Variants in PDCD11 observed in about 807,000 individuals in gnomAD.
The protein encoded by PDCD11 is programmed cell death 11, also known as protein RRP5 homolog.
In PDCD11, 97 loss-of-function variants were observed where a neutral mutation model predicts 198.9. The observed-to-expected ratio is 0.49, with a 90% CI of 0.41 to 0.58. The LOEUF (loss-of-function observed/expected upper bound fraction) is 0.58. Ranked by LOEUF, PDCD11 falls within the 20% of genes least tolerant of loss-of-function variation. The pLI is 0.00. For synonymous variants in PDCD11, 893 were observed against 918.0 expected (o/e 0.97, Z 0.49); for missense variants, 2,102 against 2,312.7 (o/e 0.91, Z 1.87).
chr10:103,402,457 A>C (rs2030159200), intron 3 of PDCD11, among the ~76,000 whole-genome samples: 1 of 152,036 alleles, frequency 6.6e-6, no homozygotes, highest in African/African-American at 2.4e-5. Context: ...TTTATTTTCG[A>C]GACAGAGTTT....
intron 2 of PDCD11, among the ~76,000 whole-genome samples, chr10:103,398,734 A>T (rs1233148114): frequency 1.3e-5 from 2 of 152,192 alleles, no homozygotes; most frequent in Non-Finnish European, 2.9e-5. Context: ...AAGTACTGTT[A>T]TTAGCTGGGC....
chr10:103,425,144 G>T lies in PDCD11; in HGVS notation c.2924G>T (p.Gly975Val), dbSNP rs866191624. ...FDSEKLQVGQ[G>V]VSLTLKTTEP... ...TCAGAGAAATTGCAGGTGGGACAGG[G>T]TGTCTCCCTAACCCTCAAGACCACA... The change falls in exon 20 of 36, where the codon GGT (glycine) becomes GTT (valine). Residue 975 changes from glycine (G) to valine (V), a missense_variant. By Grantham distance (109) the Gly-to-Val change is moderately radical (BLOSUM62 -3). Coordinates refer to ENST00000369797, the MANE Select transcript of PDCD11 (RefSeq NM_014976.2). 1 of 1,614,180 alleles carries T rather than the reference G, an allele frequency of 6.2e-7. No homozygotes were observed. The highest frequency in any genetic ancestry group is 8.5e-7 in the Non-Finnish European group (1 of 1,180,042).
rs2032469808 is a variant in PDCD11 at position 103,443,322 on chromosome 10, G to A, written c.5113G>A (p.Glu1705Lys). 2 of 1,605,614 alleles carry A rather than the reference G, an allele frequency of 1.2e-6. No homozygotes were observed. The highest frequency in any genetic ancestry group is 1.7e-6 in the Non-Finnish European group (2 of 1,174,174). Residue 1705 changes from glutamate (E) to lysine (K), a missense_variant, in exon 33 of 36, where the codon GAG becomes AAG. Transcript: ENST00000369797. ...LHLADIYAKS[E>K]KFQEAGELYN... Reference sequence around the variant, plus strand: ...CCTGGCTGACATCTACGCCAAGTCAGAGAAATTCCAGGTAGGAGGTTGGGC... The same window carrying A: ...CCTGGCTGACATCTACGCCAAGTCAAAGAAATTCCAGGTAGGAGGTTGGGC...
In PDCD11 at chr10:103,444,647, C is replaced by T. The variant is rs2032523579; in HGVS notation, c.5409C>T (p.Asp1803=). 4 of 1,613,992 alleles carry T rather than the reference C, an allele frequency of 2.5e-6. No homozygotes were observed. Among genetic ancestry groups the T allele is most frequent in the Non-Finnish European group, 3.4e-6 (4 of 1,180,034 alleles). The change falls in exon 35 of 36, where the codon GAC becomes GAT. Residue 1803 remains aspartate (D), a synonymous_variant. Transcript: ENST00000369797. The stretch of plus-strand genomic sequence containing the variant: ...CAGATGTCTGGTCGGTCTATATCGA[C>T]ATGACCATCAAGCACGGCAGCCAGA... ...KRTDVWSVYI[D]MTIKHGSQKD... is the part of the protein sequence containing the mutation.
At position 103,398,496 on chromosome 10, in the gene PDCD11, C is replaced by T. The variant is rs2093448916; in HGVS notation, c.70C>T (p.Gln24Ter). The T allele has an allele frequency of 6.2e-7, 1 of 1,613,674 alleles. No individual in the cohort carries two copies. Among genetic ancestry groups the T allele is most frequent in the Admixed American group, 1.7e-5 (1 of 60,020 alleles). The change falls in exon 2 of 36, where the codon CAG becomes TAG. Residue 24 changes from glutamine (Q) to a stop codon, truncating the protein, a stop_gained. Transcript: ENST00000369797. LOFTEE classifies it high-confidence loss of function. ...RKIHKPEKAF[Q>*]QSVEQDNLFD... ...GATCCACAAACCAGAGAAAGCTTTC[C>T]AGCAGTCAGTTGAACAAGACAACTT...
chr10:103,430,430 G>A (rs1003875438), intron 21 of PDCD11, among the ~76,000 whole-genome samples: 3 of 152,204 alleles, frequency 2.0e-5, no homozygotes, highest in African/African-American at 7.2e-5. Flanking sequence ...GAACATGAGT[G>A]TGCAAATACC....
intron 17 of PDCD11, among the ~76,000 whole-genome samples, chr10:103,422,756 T>C (rs1283636463): frequency 1.3e-5 from 2 of 152,156 alleles, no homozygotes; most frequent in African/African-American, 4.8e-5. Flanking sequence ...CTGGTATTTG[T>C]TGGCTACTCC....
At chr10:103,436,417 A>T (rs1288864945) in intron 25 of PDCD11, among the ~76,000 whole-genome samples, 1 of 152,228 alleles carries the variant, frequency 6.6e-6, no homozygotes, top group Non-Finnish European at 1.5e-5. Flanking sequence ...TAATAGCCTG[A>T]ATAAACTAAA....
chr10:103,444,163 C>A (rs1022971744), intron 34 of PDCD11, 95 bp downstream of exon 34: 13 of 1,027,556 alleles, frequency 1.3e-5, no homozygotes, highest in Admixed American at 2.5e-5. Context: ...TCAGGAGAGC[C>A]TTGTGAGGGC....
intron 25 of PDCD11, among the ~76,000 whole-genome samples, chr10:103,437,049 G>A (rs1434077059): frequency 3.3e-5 from 5 of 152,218 alleles, no homozygotes; most frequent in Admixed American, 6.5e-5. Context: ...TCTCTGCTGA[G>A]ATCAAACGTT....
intron 24 of PDCD11, 106 bp downstream of exon 24, chr10:103,434,456 C>A: frequency 1.3e-6 from 1 of 741,856 alleles, no homozygotes. Context: ...GTATTGGAAT[C>A]CTCAGAAAGC....
At chr10:103,408,883 G>T (rs2030624796) in intron 7 of PDCD11, among the ~76,000 whole-genome samples, 1 of 152,120 alleles carries the variant, frequency 6.6e-6, no homozygotes. Context: ...AGGACTAGCA[G>T]ATTTAATTTG....
rs922441793 is a variant in PDCD11, at chr10:103,425,211, G to A, written c.2991G>A (p.Pro997=). Residue 997 remains proline (P), a synonymous_variant, in exon 20 of 36, where the codon CCG becomes CCA. Coordinates refer to ENST00000369797, the MANE Select transcript of PDCD11 (RefSeq NM_014976.2). ...VTGLLLAVEG[P]AAKRTMRPTQ... ...GCCTTCTTTTGGCTGTGGAGGGGCC[G>A]GCTGCCAAGAGGACCATGAGGCCGA... The A allele has an allele frequency of 5.0e-6, 8 of 1,614,026 alleles. No individual in the cohort carries two copies. Among genetic ancestry groups the A allele is most frequent in the Admixed American group, 1.7e-5 (1 of 60,004 alleles).
At chr10:103,437,890 A>G (rs2032216058) in intron 25 of PDCD11, 125 bp from the exon 26 acceptor site, 3 of 732,454 alleles carry the variant, frequency 4.1e-6, no homozygotes, top group East Asian at 5.1e-5. Flanking sequence ...ATGAAGAAAC[A>G]TGACCAGAGT....
chr10:103,444,114 C>T (rs775333899), intron 34 of PDCD11, 46 bp downstream of exon 34: 53 of 1,551,252 alleles, frequency 3.4e-5, no homozygotes, highest in Admixed American at 5.3e-5. Context: ...ACTCCAGGAT[C>T]GGGGAGTAGG....
intron 11 of PDCD11, 36 bp downstream of exon 11, chr10:103,414,366 C>T: frequency 6.7e-7 from 1 of 1,495,510 alleles, no homozygotes; most frequent in Non-Finnish European, 9.3e-7. Context: ...TACTGCCTCA[C>T]CATCAGGCGT....
rs1425258945 is a variant in PDCD11 at position 103,445,859 on chromosome 10, C to G, written c.*310C>G. ...TCTTCCAGGGGAGTTCCCTGGGGAG[C>G]AAGAGTAGAGGGGCTATTCCCGAGG... On this transcript the variant is annotated 3_prime_UTR_variant, in exon 36 of 36. Transcript: ENST00000369797. 1 of 303,992 alleles carries G rather than the reference C, an allele frequency of 3.3e-6. No homozygotes were observed. The highest frequency in any genetic ancestry group is 2.1e-5 in the African/African-American group (1 of 47,334). 18.8% of individuals were successfully genotyped at this position (303,992 alleles called of 1,614,324 possible). A position where few individuals can be genotyped will look rare whatever the true frequency, so the allele number is the denominator to read the frequency against.
At chr10:103,440,931 C>T (rs1026804899) in intron 30 of PDCD11, 81 bp downstream of exon 30, 10 of 963,468 alleles carry the variant, frequency 1.0e-5, no homozygotes, top group Non-Finnish European at 1.6e-5. Flanking sequence ...TCCTCTTTTA[C>T]TTCATTTCCT....
chr10:103,401,342 A>G (rs1172335081), intron 3 of PDCD11, among the ~76,000 whole-genome samples: 1 of 151,952 alleles, frequency 6.6e-6, no homozygotes, highest in Non-Finnish European at 1.5e-5. Context: ...ATGTGATCTC[A>G]GCTCACTGCA....
Sources: allele counts gnomAD v4.1 joint callset (sites outside exome capture counted in the v4.1 genomes callset), GRCh38; gene constraint gnomAD v4.1.1; transcripts MANE v1.5; gene names NCBI Gene and HGNC (gene_info 2026-07-23, HGNC 2026-07-21).